PDE1C: variants seen among roughly 807,000 people sequenced by gnomAD.
PDE1C encodes phosphodiesterase 1C, also known as dual specificity calcium/calmodulin-dependent 3',5'-cyclic nucleotide phosphodiesterase 1C.
A neutral mutation model predicts 93.1 loss-of-function variants in PDE1C; 62 were observed. That is an observed-to-expected ratio of 0.67 (90% CI 0.54 to 0.82). The LOEUF (loss-of-function observed/expected upper bound fraction) is 0.82, where lower values mean the gene tolerates loss of function less well. Ranked by LOEUF, PDE1C falls within the 40% of genes least tolerant of loss-of-function variation. PDE1C has a pLI of 0.00. For synonymous variants in PDE1C, 325 were observed against 310.1 expected, an observed-to-expected ratio of 1.05 and a Z score of -0.50; for missense variants, 742 against 884.6, an observed-to-expected ratio of 0.84 and a Z score of 2.04.
intron 2 of PDE1C, among the ~76,000 whole-genome samples, chr7:31,994,571 A>G (rs749350353): frequency 4.6e-5 from 7 of 152,202 alleles, no homozygotes; most frequent in Non-Finnish European, 5.9e-5. Flanking sequence ...TCCTTGAACT[A>G]TATATAGCAG....
intron 11 of PDE1C, among the ~76,000 whole-genome samples, chr7:31,836,451 C>G (rs1407063844): frequency 6.6e-6 from 1 of 152,138 alleles, no homozygotes; most frequent in African/African-American, 2.4e-5. Flanking sequence ...TCTCCTGCCT[C>G]AGCCTCTCAA....
rs200811728 is a variant in PDE1C, at chr7:31,929,671, G to T, written c.129-48811C>A. The stretch of plus-strand genomic sequence containing the variant: ...AACTACATGGAAATGGAACAAACCT[G>T]CTCCTGAATAACTACTGAGTAAATA... On this transcript the variant is annotated intron_variant, in intron 2 of 17. Coordinates refer to ENST00000396191, the MANE Select transcript of PDE1C (RefSeq NM_001191057.4). 4.6e-5 allele frequency among the ~76,000 whole-genome samples: 7 copies of T among 152,248 alleles called. No individual in the cohort carries two copies. The East Asian group carries it at 1.2e-3, about 25-fold the overall frequency.
At chr7:31,824,695 G>A (rs536280498) in intron 13 of PDE1C, among the ~76,000 whole-genome samples, 172 bp downstream of exon 13, 5 of 152,104 alleles carry the variant, frequency 3.3e-5, no homozygotes, top group East Asian at 1.9e-4. Context: ...TGGAGAGTAC[G>A]GATAATACAA....
chr7:31,816,580 G>C (rs115043922), intron 14 of PDE1C, among the ~76,000 whole-genome samples: 3,083 of 152,248 alleles, frequency 0.02, 52 homozygotes, highest in Non-Finnish European at 0.032. Context: ...AATCAAGGCT[G>C]AGAGACATCA....
chr7:32,231,557 A>C lies in PDE1C; in HGVS notation c.86-22018T>G, dbSNP rs566956425. On this transcript the variant is annotated intron_variant, in intron 1 of 18. Coordinates refer to the PDE1C transcript ENST00000396193. The stretch of plus-strand genomic sequence containing the variant: ...CCACCAAAGGAAAAAGGATACAAGA[A>C]AACACCCAATCCAGATAGTTTTACA... Among the ~76,000 whole-genome samples, 5 of 152,286 alleles carry C rather than the reference A, an allele frequency of 3.3e-5. No homozygotes were observed. The East Asian group carries it at 7.7e-4, about 24-fold the overall frequency.
At chr7:32,338,742 G>A (rs943750555) in intron 1 of PDE1C, among the ~76,000 whole-genome samples, 6 of 152,138 alleles carry the variant, frequency 3.9e-5, no homozygotes, top group Non-Finnish European at 8.8e-5. Flanking sequence ...GGTGGCTCAC[G>A]CCTGTAATCC....
chr7:32,226,666 C>T (rs555111060), intron 1 of PDE1C, among the ~76,000 whole-genome samples: 1 of 152,266 alleles, frequency 6.6e-6, no homozygotes, highest in African/African-American at 2.4e-5. Context: ...GGCCCTGAGG[C>T]AGAGTGTGAT....
chr7:32,017,354 G>T (rs1346479025), intron 2 of PDE1C, among the ~76,000 whole-genome samples: 1 of 151,976 alleles, frequency 6.6e-6, no homozygotes, highest in East Asian at 1.9e-4. Context: ...AACTCAAAAT[G>T]GATCATAGAT....
chr7:32,288,104 A>G (rs1042828908), intron 1 of PDE1C, among the ~76,000 whole-genome samples: 2 of 152,174 alleles, frequency 1.3e-5, no homozygotes, highest in African/African-American at 4.8e-5. Context: ...AAGTGAGCTG[A>G]GATTATGCCA....
chr7:31,673,725 T>A, the PDE1C span, among the ~76,000 whole-genome samples: 7 of 141,850 alleles, frequency 4.9e-5, no homozygotes, highest in South Asian at 4.6e-4. Context: ...TTTTTTTTTT[T>A]AATCCAAATT....
chr7:32,390,745 G>T (rs1471721695), intron 1 of PDE1C, among the ~76,000 whole-genome samples: 1 of 152,046 alleles, frequency 6.6e-6, no homozygotes, highest in African/African-American at 2.4e-5. Context: ...TACTCGGGAG[G>T]CTGAGGTGGA....
chr7:32,074,689 T>C (rs995759132), upstream of PDE1C, among the ~76,000 whole-genome samples: 1 of 152,146 alleles, frequency 6.6e-6, no homozygotes, highest in Non-Finnish European at 1.5e-5. Flanking sequence ...GAAGGCTTCA[T>C]AGTGAAGGTG....
the PDE1C span, among the ~76,000 whole-genome samples, chr7:31,644,652 C>G: frequency 6.6e-6 from 1 of 152,204 alleles, no homozygotes; most frequent in Non-Finnish European, 1.5e-5. Context: ...CCAGCCTTCT[C>G]TAGCCCTTGA....
chr7:31,767,381 T>C (rs77542067), intron 17 of PDE1C, among the ~76,000 whole-genome samples: 19,810 of 152,068 alleles, frequency 0.13, 1,607 homozygotes, highest in Non-Finnish European at 0.18. Flanking sequence ...TCTCATGATA[T>C]TGAGTGATTC....
In PDE1C at chr7:31,879,065, C is replaced by G; in HGVS notation, c.356G>C (p.Arg119Thr). The change falls in exon 4 of 18, where the codon AGG becomes ACG. Residue 119 changes from arginine (R) to threonine (T), a missense_variant. Arg to Thr is a moderately conservative substitution (Grantham distance 71). Around this residue, in one of 4 missense-constraint regions of PDE1C, gnomAD observed 205 missense variants for 295.3 expected, o/e 0.69. Coordinates refer to ENST00000396191, the MANE Select transcript of PDE1C (RefSeq NM_001191057.4). Reference sequence around the variant, plus strand: ...GAACCGGGGCTTCTCGTCGCTCCTCCTGAGCATCATCCCCATCTGCCGCGT... The same window carrying G: ...GAACCGGGGCTTCTCGTCGCTCCTCGTGAGCATCATCCCCATCTGCCGCGT... The part of the protein sequence containing the change: ...TFTRQMGMML[R>T]RSDEKPRFKS... 7 of 1,614,190 alleles carry G rather than the reference C, an allele frequency of 4.3e-6. No individual in the cohort carries two copies. The highest frequency in any genetic ancestry group is 5.9e-6 in the Non-Finnish European group (7 of 1,180,014).
intron 3 of PDE1C, among the ~76,000 whole-genome samples, chr7:32,119,795 G>A (rs1249987233): frequency 6.6e-6 from 1 of 152,156 alleles, no homozygotes; most frequent in Non-Finnish European, 1.5e-5. Context: ...TGCCTCCAGG[G>A]CATAGGGTCC....
At chr7:32,069,878 T>C (rs1049089591) in intron 1 of PDE1C, among the ~76,000 whole-genome samples, 17 of 152,194 alleles carry the variant, frequency 1.1e-4, no homozygotes, top group African/African-American at 4.1e-4. Flanking sequence ...ATTTTAACTG[T>C]TGGTAAGTTC....
chr7:32,060,982 T>C (rs1298610338), intron 1 of PDE1C, among the ~76,000 whole-genome samples: 2 of 152,178 alleles, frequency 1.3e-5, no homozygotes, highest in African/African-American at 4.8e-5. Context: ...TGAAAACAAG[T>C]GGCAGGATGT....
At chr7:31,871,558 C>G (rs973938951) in intron 6 of PDE1C, among the ~76,000 whole-genome samples, 1 of 151,694 alleles carries the variant, frequency 6.6e-6, no homozygotes, top group Non-Finnish European at 1.5e-5. Context: ...AAGATATAGA[C>G]ATTTCTCAAA....
Sources: allele counts gnomAD v4.1 joint callset (sites outside exome capture counted in the v4.1 genomes callset), GRCh38; gene constraint gnomAD v4.1.1; regional missense constraint gnomAD v4.1.1; transcripts MANE v1.5; gene names NCBI Gene and HGNC (gene_info 2026-07-23, HGNC 2026-07-21).